The following GRXCR1 variants were observed in gnomAD, a reference collection of about 807,000 sequenced individuals.
The protein encoded by GRXCR1 is glutaredoxin domain-containing cysteine-rich protein 1.
A neutral mutation model predicts 27.3 loss-of-function variants in GRXCR1; 27 were observed. The ratio of observed to expected loss-of-function variants is 0.99; its 90% CI spans 0.73 to 1.37. The LOEUF (loss-of-function observed/expected upper bound fraction) is 1.37, where lower values mean the gene tolerates loss of function less well. GRXCR1 is among the 40% of genes most tolerant of loss of function. GRXCR1 has a pLI of 0.00. For synonymous variants in GRXCR1, 122 were observed against 131.1 expected, an observed-to-expected ratio of 0.93 and a Z score of 0.47; for missense variants, 379 against 354.4, an observed-to-expected ratio of 1.07 and a Z score of -0.56.
intron 2 of GRXCR1, among the ~76,000 whole-genome samples, chr4:42,998,513 A>G (rs967938044): frequency 2.0e-5 from 3 of 152,244 alleles, no homozygotes; most frequent in Non-Finnish European, 4.4e-5. Flanking sequence ...TGAAAGATAC[A>G]TTGTAAAAAT....
intron 2 of GRXCR1, among the ~76,000 whole-genome samples, chr4:42,974,408 A>G (rs767885348): frequency 2.0e-5 from 3 of 152,178 alleles, no homozygotes; most frequent in South Asian, 2.1e-4. Context: ...GTGTTTATCT[A>G]TAGAGCATTA....
intron 2 of GRXCR1, among the ~76,000 whole-genome samples, chr4:43,005,743 C>A (rs921444048): frequency 2.0e-5 from 3 of 152,156 alleles, no homozygotes; most frequent in Admixed American, 2.0e-4. Flanking sequence ...AAGCATCCAG[C>A]ATCTGTTTCT....
At chr4:42,999,780 A>G (rs567980600) in intron 2 of GRXCR1, among the ~76,000 whole-genome samples, 12 of 152,360 alleles carry the variant, frequency 7.9e-5, no homozygotes, top group Admixed American at 7.2e-4. Flanking sequence ...AGTATCTAAA[A>G]AGTAGACAAC....
chr4:43,008,369 A>G (rs567243781), intron 2 of GRXCR1, among the ~76,000 whole-genome samples: 1 of 152,124 alleles, frequency 6.6e-6, no homozygotes, highest in Non-Finnish European at 1.5e-5. Flanking sequence ...CCTGTGTTTC[A>G]TGAGAAGGGA....
intron 1 of GRXCR1, among the ~76,000 whole-genome samples, chr4:42,905,397 C>CAATA (rs1746563106): frequency 6.6e-6 from 1 of 152,172 alleles, no homozygotes; most frequent in Non-Finnish European, 1.5e-5. Context: ...AATACCTTTC[C>CAATA]ATGCCAATGC....
intron 1 of GRXCR1, among the ~76,000 whole-genome samples, chr4:42,934,579 T>C (rs758366394): frequency 1.3e-5 from 2 of 151,952 alleles, no homozygotes; most frequent in Non-Finnish European, 2.9e-5. Context: ...GCTAACAGAA[T>C]GCTACACATT....
chr4:43,017,733 A>G (rs1421885269), intron 2 of GRXCR1, among the ~76,000 whole-genome samples: 1 of 152,194 alleles, frequency 6.6e-6, no homozygotes, highest in Non-Finnish European at 1.5e-5. Flanking sequence ...AGTGTATGTA[A>G]AAACAAACTT....
intron 1 of GRXCR1, among the ~76,000 whole-genome samples, chr4:42,949,354 CAAAAA>C (rs10622265): frequency 9.9e-5 from 8 of 81,142 alleles, no homozygotes; most frequent in Admixed American, 1.7e-4. Context: ...GACTCCATCT[CAAAAA>C]AAAAAAAAAA....
intron 3 of GRXCR1, among the ~76,000 whole-genome samples, chr4:43,021,436 A>G (rs1484324598): frequency 6.6e-6 from 1 of 152,142 alleles, no homozygotes; most frequent in Non-Finnish European, 1.5e-5. Flanking sequence ...TATTTGACTC[A>G]TGTCCCAAAT....
At chr4:42,960,907 T>C (rs1350275103) in intron 1 of GRXCR1, among the ~76,000 whole-genome samples, 1 of 151,842 alleles carries the variant, frequency 6.6e-6, no homozygotes, top group Admixed American at 6.6e-5. Flanking sequence ...TGTAGGTAAA[T>C]GTGTGCCATG....
chr4:42,896,362 T>C (rs754064453), intron 1 of GRXCR1, among the ~76,000 whole-genome samples: 25 of 152,158 alleles, frequency 1.6e-4, no homozygotes, highest in Non-Finnish European at 3.4e-4. Flanking sequence ...GTTTACCTTA[T>C]ATAATCCTGG....
At chr4:42,988,049 C>T (rs978833821) in intron 2 of GRXCR1, among the ~76,000 whole-genome samples, 4 of 152,214 alleles carry the variant, frequency 2.6e-5, no homozygotes, top group African/African-American at 4.8e-5. Flanking sequence ...TGTGCTAGAG[C>T]TTAAAATAAC....
intron 1 of GRXCR1, among the ~76,000 whole-genome samples, chr4:42,961,841 G>GTCC (rs1211884459): frequency 6.6e-6 from 1 of 151,962 alleles, no homozygotes; most frequent in Non-Finnish European, 1.5e-5. Flanking sequence ...GGAGGTTAGT[G>GTCC]TCCTACTGGC....
intron 2 of GRXCR1, among the ~76,000 whole-genome samples, chr4:42,991,828 C>T (rs1057469404): frequency 1.3e-5 from 2 of 152,088 alleles, no homozygotes; most frequent in African/African-American, 2.4e-5. Context: ...AATTTTCAAT[C>T]CCTTGGAGAC....
chr4:42,988,632 A>G (rs1188594636), intron 2 of GRXCR1, among the ~76,000 whole-genome samples: 1 of 152,146 alleles, frequency 6.6e-6, no homozygotes, highest in Non-Finnish European at 1.5e-5. Context: ...TTAACTCTTT[A>G]TTATTAAATA....
At chr4:42,907,208 T>C (rs1220731203) in intron 1 of GRXCR1, among the ~76,000 whole-genome samples, 1 of 152,170 alleles carries the variant, frequency 6.6e-6, no homozygotes, top group Non-Finnish European at 1.5e-5. Context: ...CTGTGAGCTT[T>C]TAGAAGCCAA....
intron 1 of GRXCR1, among the ~76,000 whole-genome samples, chr4:42,932,605 TATATATATATATATAGAGAG>T (rs1405103845): frequency 4.1e-3 from 234 of 57,756 alleles, no homozygotes; most frequent in South Asian, 7.3e-3. Flanking sequence ...TATATATATA[TATATATATATATATAGAGAG>T]AGAGAGAGAG....
intron 2 of GRXCR1, among the ~76,000 whole-genome samples, chr4:43,008,260 A>T (rs934982234): frequency 1.3e-5 from 2 of 152,148 alleles, no homozygotes; most frequent in Non-Finnish European, 2.9e-5. Context: ...TAGGTTTTCT[A>T]TTAGCCCATC....
Position 42,894,498 on chromosome 4 carries a change from A to G in GRXCR1, c.384+848A>G, listed in dbSNP as rs541598399. ...ATTTTTCATTGTAATTCCTTTTTAT[A>G]TTCTCAATTTTTAAATAAAATGATC... On this transcript the variant is annotated intron_variant, in intron 1 of 3. Transcript: ENST00000399770. Among the ~76,000 whole-genome samples the G allele has an allele frequency of 2.6e-5, 4 of 152,146 alleles. No homozygotes were observed. The East Asian group carries it at 7.7e-4, about 29-fold the overall frequency.
Sources: allele counts gnomAD v4.1 joint callset (sites outside exome capture counted in the v4.1 genomes callset), GRCh38; gene constraint gnomAD v4.1.1; transcripts MANE v1.5; gene names NCBI Gene and HGNC (gene_info 2026-07-23, HGNC 2026-07-21).